ELF1: variants seen among roughly 807,000 people sequenced by gnomAD.
The protein encoded by ELF1 is ETS-related transcription factor Elf-1.
In ELF1, 24 loss-of-function variants were observed where a neutral mutation model predicts 59.9. The observed-to-expected ratio is 0.40, with a 90% CI of 0.29 to 0.56. ELF1 has a LOEUF of 0.56. Ranked by LOEUF, ELF1 falls within the 20% of genes least tolerant of loss-of-function variation. The pLI is 0.44. For synonymous variants in ELF1, 248 were observed against 266.2 expected, an observed-to-expected ratio of 0.93 and a Z score of 0.67; for missense variants, 627 against 742.2, an observed-to-expected ratio of 0.84 and a Z score of 1.80.
intron 1 of ELF1, among the ~76,000 whole-genome samples, chr13:41,017,600 C>G (rs1271515693): frequency 6.6e-6 from 1 of 152,088 alleles, no homozygotes; most frequent in African/African-American, 2.4e-5. Flanking sequence ...CTTCTCCCTT[C>G]TCCTTGAAAC....
At chr13:41,005,465 A>G (rs1371952354) in intron 1 of ELF1, among the ~76,000 whole-genome samples, 3 of 151,146 alleles carry the variant, frequency 2.0e-5, no homozygotes, top group African/African-American at 7.3e-5. Flanking sequence ...AAAAAAAAAA[A>G]AAAAACCTAC....
chr13:41,030,050 C>T (rs1005821902), intron 1 of ELF1, among the ~76,000 whole-genome samples: 1 of 151,058 alleles, frequency 6.6e-6, no homozygotes, highest in Non-Finnish European at 1.5e-5. Context: ...GAATAATTAC[C>T]ATATATATAT....
intron 1 of ELF1, among the ~76,000 whole-genome samples, chr13:41,056,060 A>G (rs1435780565): frequency 6.6e-6 from 1 of 152,214 alleles, no homozygotes; most frequent in Non-Finnish European, 1.5e-5. Context: ...TGTACACTTC[A>G]ACATTATTTA....
intron 1 of ELF1, among the ~76,000 whole-genome samples, chr13:41,058,963 G>T (rs1232534962): frequency 1.3e-5 from 2 of 151,824 alleles, no homozygotes; most frequent in African/African-American, 2.4e-5. Flanking sequence ...AACAGAGCGA[G>T]ACTCCGTCTC....
chr13:40,998,690 T>C (rs1874252591), intron 1 of ELF1, among the ~76,000 whole-genome samples: 1 of 152,226 alleles, frequency 6.6e-6, no homozygotes, highest in Non-Finnish European at 1.5e-5. Context: ...CTTTCATCTT[T>C]CATAATATAA....
intron 5 of ELF1, among the ~76,000 whole-genome samples, chr13:40,945,850 T>C (rs992458161): frequency 6.6e-6 from 1 of 152,194 alleles, no homozygotes; most frequent in Non-Finnish European, 1.5e-5. Context: ...TTCATTTCAT[T>C]TTTTTGTTTT....
At chr13:41,027,046 C>T (rs574667305) in intron 1 of ELF1, among the ~76,000 whole-genome samples, 29 of 152,158 alleles carry the variant, frequency 1.9e-4, no homozygotes, top group Non-Finnish European at 3.5e-4. Context: ...TTCCCAGTCA[C>T]GAAATCTTCC....
chr13:40,957,823 C>T (rs1400595862), intron 3 of ELF1, among the ~76,000 whole-genome samples: 1 of 152,186 alleles, frequency 6.6e-6, no homozygotes, highest in African/African-American at 2.4e-5. Flanking sequence ...TCTCCCCCAC[C>T]AGATGGATAC....
intron 1 of ELF1, among the ~76,000 whole-genome samples, chr13:41,028,369 C>T (rs1314394242): frequency 3.3e-5 from 5 of 152,162 alleles, no homozygotes; most frequent in Admixed American, 6.5e-5. Flanking sequence ...AATAAGTCAA[C>T]GGGAAACTAC....
intron 1 of ELF1, among the ~76,000 whole-genome samples, chr13:41,043,763 T>C (rs1266773996): frequency 1.3e-5 from 2 of 152,338 alleles, no homozygotes; most frequent in African/African-American, 4.8e-5. Flanking sequence ...TCTTTTGGCT[T>C]AGGATTGACT....
intron 1 of ELF1, among the ~76,000 whole-genome samples, chr13:41,002,005 G>C (rs995147322): frequency 3.9e-5 from 6 of 152,156 alleles, no homozygotes; most frequent in Non-Finnish European, 8.8e-5. Flanking sequence ...CACAGAGAAT[G>C]TGACGTCTCC....
intron 1 of ELF1, among the ~76,000 whole-genome samples, chr13:41,018,057 G>C (rs1875520269): frequency 6.6e-6 from 1 of 152,132 alleles, no homozygotes; most frequent in Admixed American, 6.6e-5. Flanking sequence ...TAATCTGACA[G>C]GCCTTCAAGC....
At chr13:41,027,875 T>A (rs1389272236) in intron 1 of ELF1, among the ~76,000 whole-genome samples, 1 of 152,182 alleles carries the variant, frequency 6.6e-6, no homozygotes, top group Non-Finnish European at 1.5e-5. Flanking sequence ...CTTAGAAGAT[T>A]CAGTTACAGT....
At chr13:41,026,408 T>G (rs1385822499) in intron 1 of ELF1, among the ~76,000 whole-genome samples, 1 of 152,104 alleles carries the variant, frequency 6.6e-6, no homozygotes, top group African/African-American at 2.4e-5. Context: ...AAGCTGCTAG[T>G]TTTGAGGGGG....
chr13:40,972,233 A>G (rs1387822119), intron 2 of ELF1, among the ~76,000 whole-genome samples: 1 of 152,228 alleles, frequency 6.6e-6, no homozygotes, highest in Non-Finnish European at 1.5e-5. Context: ...CTCTCCCAGA[A>G]TGGAAAATTC....
At position 41,054,425 on chromosome 13, in the gene ELF1, G is replaced by A. The variant is rs540645007; in HGVS notation, c.-229+6413C>T. On this transcript the variant is annotated intron_variant, in intron 1 of 1. Transcript: ENST00000405737. ...TTGTCCACAGGGTGGCAGTCTCACA[G>A]TATTAACTTGTTCATGGAGTCAATG... 5.9e-5 allele frequency among the ~76,000 whole-genome samples: 9 copies of A among 152,310 alleles called. No homozygotes were observed. The South Asian group carries it at 1.9e-3, about 32-fold the overall frequency.
intron 5 of ELF1, among the ~76,000 whole-genome samples, chr13:40,946,374 T>C (rs137879025): frequency 0.01 from 1,545 of 152,302 alleles, 37 homozygotes; most frequent in African/African-American, 0.035. Flanking sequence ...AAGTACTTTG[T>C]GCCCCTTTGT....
At chr13:41,005,465 A>C (rs1371952354) in intron 1 of ELF1, among the ~76,000 whole-genome samples, 15 of 151,264 alleles carry the variant, frequency 9.9e-5, no homozygotes, top group African/African-American at 3.4e-4. Flanking sequence ...AAAAAAAAAA[A>C]AAAAACCTAC....
rs1056824 is a variant in ELF1, at chr13:40,932,748, A to G, written c.*677T>C. 80,901 of 152,082 alleles carry G rather than the reference A, an allele frequency of 0.53. 24,765 individuals are homozygous for G. The highest frequency in any genetic ancestry group is 0.68 in the Non-Finnish European group (45,869 of 67,944). 9.4% of individuals were successfully genotyped at this position (152,082 alleles called of 1,614,324 possible). ...GAGAAAGTGGTGATCATCTAGTCTA[A>G]TCCAATACATCTCTTCCTTTTATGA... On this transcript the variant is annotated 3_prime_UTR_variant, in exon 9 of 9. Coordinates refer to ENST00000239882, the MANE Select transcript of ELF1 (RefSeq NM_172373.4).
Sources: allele counts gnomAD v4.1 joint callset (sites outside exome capture counted in the v4.1 genomes callset), GRCh38; gene constraint gnomAD v4.1.1; transcripts MANE v1.5; gene names NCBI Gene and HGNC (gene_info 2026-07-23, HGNC 2026-07-21).